Variants in DPYSL5 observed in about 807,000 individuals in gnomAD.
DPYSL5 encodes dihydropyrimidinase like 5.
A neutral mutation model predicts 58.4 loss-of-function variants in DPYSL5; 9 were observed. The observed-to-expected ratio is 0.15, with a 90% confidence interval of 0.09 to 0.27. The LOEUF (loss-of-function observed/expected upper bound fraction) is 0.27, where lower values mean the gene tolerates loss of function less well. Ranked by LOEUF, DPYSL5 falls within the 10% of genes least tolerant of loss-of-function variation. DPYSL5 has a pLI of 1.00. For synonymous variants in DPYSL5, 293 were observed against 301.9 expected, an observed-to-expected ratio of 0.97 and a Z score of 0.31; for missense variants, 499 against 770.6, an observed-to-expected ratio of 0.65 and a Z score of 4.17.
At chr2:26,858,203 T>G (rs1237588970) in intron 1 of DPYSL5, among the ~76,000 whole-genome samples, 1 of 143,014 alleles carries the variant, frequency 7.0e-6, no homozygotes, top group Non-Finnish European at 1.5e-5. Context: ...ACGGAGTCTC[T>G]CTCTGTCACC....
At chr2:26,890,898 AC>A (rs1168375563) in intron 1 of DPYSL5, among the ~76,000 whole-genome samples, 17 of 152,224 alleles carry the variant, frequency 1.1e-4, no homozygotes, top group Admixed American at 1.1e-3. Context: ...GTGTCTCCTA[AC>A]CAGGACACTA....
chr2:26,933,243 G>A lies in DPYSL5; in HGVS notation c.715-15G>A. 1 of 1,613,618 alleles carries A rather than the reference G, an allele frequency of 6.2e-7. No homozygotes were observed. The highest frequency in any genetic ancestry group is 8.5e-7 in the Non-Finnish European group (1 of 1,179,524). ...GGGTCAACCCTCCCTACTTCCCACT[G>A]TTTCTTGTGTTTAGACTCACTGTCC... On this transcript the variant is annotated splice_polypyrimidine_tract_variant and intron_variant, in intron 6 of 12. Coordinates refer to ENST00000288699, the MANE Select transcript of DPYSL5 (RefSeq NM_020134.4). This position sits in a 1 kb window ranked among gnomAD's most constrained non-coding sequence, Gnocchi z 4.2.
chr2:26,916,080 G>C (rs922361480), intron 2 of DPYSL5, among the ~76,000 whole-genome samples: 4 of 151,986 alleles, frequency 2.6e-5, no homozygotes, highest in Non-Finnish European at 5.9e-5. Context: ...CCCTAAATTT[G>C]ATTTTCTCTC....
At position 26,904,910 on chromosome 2, in the gene DPYSL5, A is replaced by G. The variant is rs570953646; in HGVS notation, c.261+6150A>G. ...CAGAGTGAGACCCTGTCTCAAAACA[A>G]AAACAAAAACAGGAGTTTGAGGTTG... On this transcript the variant is annotated intron_variant, in intron 2 of 12. Coordinates refer to ENST00000288699, the MANE Select transcript of DPYSL5 (RefSeq NM_020134.4). Among the ~76,000 whole-genome samples, 14 of 152,254 alleles carry G rather than the reference A, an allele frequency of 9.2e-5. No individual in the cohort carries two copies. In the South Asian group the frequency reaches 2.7e-3, roughly 29 times the overall value.
chr2:26,859,031 C>A (rs143102958), intron 1 of DPYSL5, among the ~76,000 whole-genome samples: 1 of 152,268 alleles, frequency 6.6e-6, no homozygotes, highest in Non-Finnish European at 1.5e-5. Context: ...GAGTTGTTAC[C>A]ATGGCATGGA....
intron 8 of DPYSL5, among the ~76,000 whole-genome samples, chr2:26,935,404 G>T (rs191069949): frequency 9.9e-5 from 15 of 152,126 alleles, no homozygotes; most frequent in Admixed American, 9.2e-4. Flanking sequence ...TAACATTTTT[G>T]GGGCCAGGTG....
chr2:26,945,956 G>A (rs1282312034), intron 12 of DPYSL5, among the ~76,000 whole-genome samples: 1 of 152,156 alleles, frequency 6.6e-6, no homozygotes, highest in Non-Finnish European at 1.5e-5. Flanking sequence ...CCTGTTGGAG[G>A]TGCTGGTAGC....
chr2:26,925,850 T>G lies in DPYSL5; in HGVS notation c.420+805T>G, dbSNP rs1318540995. Among the ~76,000 whole-genome samples, 4 of 152,234 alleles carry G rather than the reference T, an allele frequency of 2.6e-5. No homozygotes were observed. The highest frequency in any genetic ancestry group is 4.4e-5 in the Non-Finnish European group (3 of 68,042). ...CATCAATTATTTATTAAGCCCCATGTACCAGTACTTTGGTGGGTGCCCCAG... is the reference window on the plus strand; with the variant it reads ...CATCAATTATTTATTAAGCCCCATGGACCAGTACTTTGGTGGGTGCCCCAG... On this transcript the variant is annotated intron_variant, in intron 3 of 12. Transcript: ENST00000288699. This position sits in a 1 kb window ranked among gnomAD's most constrained non-coding sequence, Gnocchi z 4.5.
intron 2 of DPYSL5, among the ~76,000 whole-genome samples, chr2:26,917,886 A>G (rs1323515312): frequency 6.6e-6 from 1 of 152,190 alleles, no homozygotes; most frequent in Non-Finnish European, 1.5e-5. Context: ...CTGTAATCCC[A>G]GCACTTTGAA....
chr2:26,868,164 C>T (rs900059834), intron 1 of DPYSL5, among the ~76,000 whole-genome samples: 1 of 152,192 alleles, frequency 6.6e-6, no homozygotes, highest in Non-Finnish European at 1.5e-5. Context: ...CTGTGTATCA[C>T]TTACTGATGT....
intron 1 of DPYSL5, among the ~76,000 whole-genome samples, chr2:26,869,695 G>C (rs1191165676): frequency 6.6e-6 from 1 of 151,884 alleles, no homozygotes; most frequent in Non-Finnish European, 1.5e-5. Flanking sequence ...ACTTTTCTTA[G>C]GTTTTCTTAT....
At position 26,942,183 on chromosome 2, in the gene DPYSL5, A is replaced by C. The variant is rs1003631277; in HGVS notation, c.1232+91A>C. 2 of 1,563,140 alleles carry C rather than the reference A, an allele frequency of 1.3e-6. No individual in the cohort carries two copies. Among genetic ancestry groups the C allele is most frequent in the African/African-American group, 2.7e-5 (2 of 73,018 alleles). On this transcript the variant is annotated intron_variant, in intron 10 of 12. Coordinates refer to ENST00000288699, the MANE Select transcript of DPYSL5 (RefSeq NM_020134.4). The surrounding 1 kb of genome is among the most constrained non-coding windows in gnomAD (Gnocchi z 5.9). Reference sequence around the variant, plus strand: ...GATCTCCAAAAGCATATAATTTTGCACTATTTCTAGCACAAAATATGGCCC... The same window carrying C: ...GATCTCCAAAAGCATATAATTTTGCCCTATTTCTAGCACAAAATATGGCCC...
rs1664258330 is a variant in DPYSL5 at position 26,905,219 on chromosome 2, C to A, written c.261+6459C>A. ...CTTTATGAAATGCTGCTCCTCCCTG[C>A]AGGAATAACTGATGTCAGCGCCTTA... On this transcript the variant is annotated intron_variant, in intron 2 of 12. Transcript: ENST00000288699. This position sits in a 1 kb window ranked among gnomAD's most constrained non-coding sequence, Gnocchi z 4.0. 6.6e-6 allele frequency among the ~76,000 whole-genome samples: 1 copy of A among 152,204 alleles called. No homozygotes were observed. Among genetic ancestry groups the A allele is most frequent in the Admixed American group, 6.5e-5 (1 of 15,288 alleles).
At chr2:26,915,636 T>C (rs1013542373) in intron 2 of DPYSL5, among the ~76,000 whole-genome samples, 3 of 152,200 alleles carry the variant, frequency 2.0e-5, no homozygotes, top group Admixed American at 6.5e-5. Context: ...CCAAGCCCTG[T>C]TACTGCCTCT....
Position 26,898,786 on chromosome 2 carries a change from G to A in DPYSL5, c.261+26G>A, listed in dbSNP as rs753125245. The A allele has an allele frequency of 1.3e-6, 2 of 1,581,926 alleles. No individual in the cohort carries two copies. Among genetic ancestry groups the A allele is most frequent in the Non-Finnish European group, 1.7e-6 (2 of 1,161,410 alleles). ...GTAATGCTCCTGTTTGCCAAAGGTG[G>A]CTTCCTCTTTGGCTTTTTTATTCTG... On this transcript the variant is annotated intron_variant, in intron 2 of 12. Transcript: ENST00000288699. The surrounding 1 kb of genome is among the most constrained non-coding windows in gnomAD (Gnocchi z 6.1).
chr2:26,910,077 T>A (rs1013101909), intron 2 of DPYSL5, among the ~76,000 whole-genome samples: 5 of 152,214 alleles, frequency 3.3e-5, no homozygotes, highest in African/African-American at 1.2e-4. Flanking sequence ...TTAGTTTGCA[T>A]TTTCTACTAT....
At chr2:26,870,976 A>C (rs1368889) in intron 1 of DPYSL5, among the ~76,000 whole-genome samples, 47,856 of 152,144 alleles carry the variant, frequency 0.31, 8,691 homozygotes, top group Admixed American at 0.44. Flanking sequence ...ATAAAATTTA[A>C]AATTCAGTTC....
At position 26,941,977 on chromosome 2, in the gene DPYSL5, T is replaced by A. The variant is rs769199565; in HGVS notation, c.1117T>A (p.Phe373Ile). The A allele has an allele frequency of 6.2e-7, 1 of 1,614,040 alleles. No homozygotes were observed. Among genetic ancestry groups the A allele is most frequent in the Non-Finnish European group, 8.5e-7 (1 of 1,180,046 alleles). ...TGGAGGAAAGATGGATGAGAACCGT[T>A]TTGTGGCCGTTACCAGTTCCAACGC... is the stretch of plus-strand genomic sequence containing the variant. ...VVGGKMDENR[F>I]VAVTSSNAAK... Residue 373 changes from phenylalanine to isoleucine, a missense_variant, in exon 10 of 13, where the codon TTT becomes ATT. Physicochemically the swap from Phe to Ile is conservative, Grantham distance 21. Transcript: ENST00000288699.
In DPYSL5 at chr2:26,921,815, C is replaced by G. The variant is rs151081362; in HGVS notation, c.262-3072C>G. ...ATGCCCCTCCCAGCTCATAGATGCT[C>G]TCACATCCATTGCCACCTGACCCTC... On this transcript the variant is annotated intron_variant, in intron 2 of 12. Transcript: ENST00000288699. 1.5e-3 allele frequency among the ~76,000 whole-genome samples: 230 copies of G among 152,268 alleles called. 1 individual carries two copies. The highest frequency in any genetic ancestry group is 5.1e-3 in the African/African-American group (214 of 41,558).
Sources: gnomAD v4.1 joint callset for allele counts (sites outside exome capture counted in the v4.1 genomes callset) on GRCh38, gnomAD v4.1.1 for gene constraint, Gnocchi (gnomAD v3.1) non-coding constraint, MANE v1.5 for transcripts, NCBI Gene and HGNC (gene_info 2026-07-23, HGNC 2026-07-21) for gene names.